GASK1A: variants seen among roughly 807,000 people sequenced by gnomAD.
GASK1A encodes the protein golgi associated kinase 1A.
GASK1A carries 40 observed loss-of-function variants against 41.2 expected under a neutral mutation model. That is an observed-to-expected ratio of 0.97 (90% CI 0.75 to 1.27). The LOEUF (loss-of-function observed/expected upper bound fraction) is 1.27, where lower values mean the gene tolerates loss of function less well. Ranked by LOEUF, GASK1A falls within the 50% of genes most tolerant of loss-of-function variation. The probability of loss-of-function intolerance (pLI) is 0.00; values close to 1 mark genes in which losing one functional copy is unlikely to be tolerated. For missense variants in GASK1A, 678 were observed against 745.1 expected, an observed-to-expected ratio of 0.91 and a Z score of 1.05; for synonymous variants, 316 against 307.1, an observed-to-expected ratio of 1.03 and a Z score of -0.30.
At chr3:43,008,414 G>C (rs1325765830) in intron 1 of GASK1A, among the ~76,000 whole-genome samples, 1 of 152,206 alleles carries the variant, frequency 6.6e-6, no homozygotes, top group African/African-American at 2.4e-5. Flanking sequence ...GAGGTCACCT[G>C]GCTGGAAGGA....
intron 1 of GASK1A, among the ~76,000 whole-genome samples, chr3:43,001,891 C>G (rs2089411174): frequency 6.6e-6 from 1 of 152,120 alleles, no homozygotes; most frequent in South Asian, 2.1e-4. Context: ...GACCGGGCTG[C>G]CTGTCTCTCT....
At chr3:43,025,958 G>T (rs542807202) in intron 1 of GASK1A, among the ~76,000 whole-genome samples, 3 of 152,202 alleles carry the variant, frequency 2.0e-5, no homozygotes, top group Non-Finnish European at 4.4e-5. Context: ...TGGGAACAGC[G>T]TAAGAAGCAG....
chr3:43,013,523 A>AGT (rs1446442973), intron 1 of GASK1A, among the ~76,000 whole-genome samples: 1 of 150,264 alleles, frequency 6.7e-6, no homozygotes, highest in African/African-American at 2.5e-5. Flanking sequence ...AGGAAGAGGC[A>AGT]GTGGGTAGTC....
At chr3:43,018,807 C>T (rs1325086425) in intron 1 of GASK1A, among the ~76,000 whole-genome samples, 1 of 152,128 alleles carries the variant, frequency 6.6e-6, no homozygotes, top group African/African-American at 2.4e-5. Context: ...CAGATAAGCC[C>T]CCTTTGAGAG....
At chr3:43,031,053 C>T (rs2089573054) in intron 1 of GASK1A, among the ~76,000 whole-genome samples, 1 of 152,200 alleles carries the variant, frequency 6.6e-6, no homozygotes, top group Non-Finnish European at 1.5e-5. Flanking sequence ...CTTTTCTGTG[C>T]ATTCCAGCAA....
At chr3:43,042,798 T>C (rs1339264673) in intron 2 of GASK1A, among the ~76,000 whole-genome samples, 1 of 152,164 alleles carries the variant, frequency 6.6e-6, no homozygotes. Flanking sequence ...TCAGCTGGTC[T>C]ATTCGCCGGC....
chr3:43,001,666 A>G (rs754602454), intron 1 of GASK1A, among the ~76,000 whole-genome samples: 6 of 152,200 alleles, frequency 3.9e-5, no homozygotes, highest in African/African-American at 1.2e-4. Context: ...CTATTTTTCC[A>G]GGAGCCTCAG....
intron 1 of GASK1A, among the ~76,000 whole-genome samples, chr3:42,998,612 A>G (rs889338527): frequency 6.6e-6 from 1 of 152,206 alleles, no homozygotes; most frequent in East Asian, 1.9e-4. Flanking sequence ...CACCCAGGAC[A>G]GGTGTCTCAG....
chr3:42,997,952 A>G (rs976225508), intron 1 of GASK1A, among the ~76,000 whole-genome samples: 6 of 152,168 alleles, frequency 3.9e-5, no homozygotes, highest in Admixed American at 2.0e-4. Context: ...GCCGTGAGGA[A>G]CATGTCACTC....
chr3:43,021,159 G>A (rs2089520568), intron 1 of GASK1A, among the ~76,000 whole-genome samples: 1 of 152,166 alleles, frequency 6.6e-6, no homozygotes, highest in African/African-American at 2.4e-5. Flanking sequence ...CCTTCAGGCA[G>A]AACTCTCCTG....
chr3:43,049,636 C>T (rs2125691854), intron 2 of GASK1A, among the ~76,000 whole-genome samples: 1 of 152,268 alleles, frequency 6.6e-6, no homozygotes, highest in East Asian at 1.9e-4. Context: ...TATATTTAAT[C>T]CATTTGGTCT....
At chr3:43,048,993 G>A (rs189336412) in intron 2 of GASK1A, among the ~76,000 whole-genome samples, 1 of 152,300 alleles carries the variant, frequency 6.6e-6, no homozygotes, top group Non-Finnish European at 1.5e-5. Context: ...AGACATTAAG[G>A]GCTTCAAGGA....
intron 2 of GASK1A, among the ~76,000 whole-genome samples, chr3:43,041,862 TA>T (rs2089639726): frequency 6.6e-6 from 1 of 152,224 alleles, no homozygotes; most frequent in South Asian, 2.1e-4. Context: ...CTTGCTTTAT[TA>T]AGATTTTTTC....
At chr3:43,017,161 G>T (rs936210367) in intron 1 of GASK1A, among the ~76,000 whole-genome samples, 4 of 151,834 alleles carry the variant, frequency 2.6e-5, no homozygotes, top group South Asian at 2.1e-4. Context: ...GAGGCAGTGT[G>T]AAGTCACAGG....
chr3:43,032,490 G>A lies in GASK1A; in HGVS notation c.227G>A (p.Gly76Asp), dbSNP rs1224610504. Residue 76 changes from glycine to aspartate, a missense_variant, in exon 2 of 5, where the codon GGC becomes GAC. Coordinates refer to ENST00000430121, the MANE Select transcript of GASK1A (RefSeq NM_001129908.3). Reference protein sequence around the residue: ...SSRRQRARNMGFWRSRALPRN... With the variant: ...SSRRQRARNMDFWRSRALPRN... The stretch of plus-strand genomic sequence containing the variant: ...CGGAGGCAGCGGGCAAGAAACATGG[G>A]CTTCTGGAGAAGCCGTGCTTTGCCC... 6.4e-7 allele frequency: 1 copy of A among 1,550,608 alleles called. No individual in the cohort carries two copies.
chr3:43,029,156 A>T (rs1345450433), intron 1 of GASK1A, among the ~76,000 whole-genome samples: 1 of 152,066 alleles, frequency 6.6e-6, no homozygotes, highest in Non-Finnish European at 1.5e-5. Context: ...GAAAGTATCC[A>T]TTGGCCCTGA....
At chr3:43,034,666 T>C (rs2089596351) in intron 2 of GASK1A, among the ~76,000 whole-genome samples, 1 of 152,166 alleles carries the variant, frequency 6.6e-6, no homozygotes, top group Non-Finnish European at 1.5e-5. Context: ...ATATGTGGTG[T>C]TTCGTCCACA....
intron 1 of GASK1A, among the ~76,000 whole-genome samples, chr3:43,027,813 A>G (rs1440155093): frequency 6.6e-6 from 1 of 152,260 alleles, no homozygotes; most frequent in Non-Finnish European, 1.5e-5. Context: ...CAAACTGTAA[A>G]ATATTTGAAG....
intron 1 of GASK1A, among the ~76,000 whole-genome samples, chr3:43,003,027 A>G (rs974822366): frequency 2.0e-5 from 3 of 152,128 alleles, no homozygotes; most frequent in Admixed American, 2.0e-4. Flanking sequence ...CCTGGACTCC[A>G]TTTGATTAAT....
Sources: gnomAD v4.1 joint callset for allele counts (sites outside exome capture counted in the v4.1 genomes callset) on GRCh38, gnomAD v4.1.1 for gene constraint, MANE v1.5 for transcripts, NCBI Gene and HGNC (gene_info 2026-07-23, HGNC 2026-07-21) for gene names.